The following UBE2D3 variants were observed in gnomAD, a reference collection of about 807,000 sequenced individuals.
The protein encoded by UBE2D3 is ubiquitin-conjugating enzyme E2 D3.
Under a neutral mutation model 22.8 loss-of-function variants are expected in UBE2D3, and 2 were observed. The ratio of observed to expected loss-of-function variants is 0.09; its 90% CI spans 0.04 to 0.28. The LOEUF is 0.28. Ranked by LOEUF, UBE2D3 falls within the 10% of genes least tolerant of loss-of-function variation. UBE2D3 has a pLI of 1.00. For synonymous variants in UBE2D3, 56 were observed against 60.4 expected (o/e 0.93, Z 0.34); for missense variants, 27 against 182.5 (o/e 0.15, Z 4.91).
chr4:102,863,389 C>A (rs1320708580), intron 1 of UBE2D3, among the ~76,000 whole-genome samples: 1 of 152,018 alleles, frequency 6.6e-6, no homozygotes, highest in South Asian at 2.1e-4. Flanking sequence ...CAGGAGCGAA[C>A]AGAGTAAGAA....
At chr4:102,848,921 CTGTGTGTGTGTG>C (rs147050383) in intron 1 of UBE2D3, among the ~76,000 whole-genome samples, 16,536 of 142,758 alleles carry the variant, frequency 0.12, 947 homozygotes, top group East Asian at 0.13. Context: ...TTATGTGTGC[CTGTGTGTGTGTG>C]TGTGTGTGTG....
intron 2 of UBE2D3, chr4:102,812,367 G>C (rs1221742693): frequency 6.6e-6 from 1 of 152,156 alleles, no homozygotes; most frequent in Non-Finnish European, 1.5e-5. Flanking sequence ...ATTTATGTAA[G>C]GGTCCCACTA....
upstream of UBE2D3, chr4:102,827,786 G>GGATCATGAGCTGGGGGGAGGGT (rs1730825626): frequency 1.0e-6 from 1 of 985,800 alleles, no homozygotes; most frequent in Non-Finnish European, 1.2e-6. Flanking sequence ...GGAGGGAGGA[G>GGATCATGAGCTGGGGGGAGGGT]GATCATGAGC....
rs1560833459 is a variant in UBE2D3 at position 102,794,662 on chromosome 4, A to ACAAG, written c.*2752_*2753insCTTG. The ACAAG allele has an allele frequency of 6.7e-6, 1 of 149,592 alleles. No individual in the cohort carries two copies. The highest frequency in any genetic ancestry group is 2.5e-5 in the African/African-American group (1 of 40,094). 9.3% of individuals were successfully genotyped at this position (149,592 alleles called of 1,614,324 possible). On this transcript the variant is annotated 3_prime_UTR_variant, in exon 8 of 8. Transcript: ENST00000453744. ...TCAACTAAGCCATTTCAACAAACAA[A>ACAAG]AAAAAACAAACAAAAAAAAAAGTGA...
chr4:102,860,978 C>G (rs903990695), intron 1 of UBE2D3, among the ~76,000 whole-genome samples: 4 of 151,938 alleles, frequency 2.6e-5, no homozygotes, highest in African/African-American at 9.7e-5. Flanking sequence ...GTGTTGGTTG[C>G]TATAAGCCTC....
At chr4:102,840,082 C>T (rs929330117) in intron 1 of UBE2D3, among the ~76,000 whole-genome samples, 7 of 152,124 alleles carry the variant, frequency 4.6e-5, no homozygotes, top group African/African-American at 1.7e-4. Context: ...AAGGTATCAC[C>T]TATGACAGAG....
upstream of UBE2D3, among the ~76,000 whole-genome samples, chr4:102,829,955 T>G (rs538876052): frequency 2.4e-4 from 37 of 152,240 alleles, no homozygotes; most frequent in Non-Finnish European, 5.1e-4. Context: ...AACTAATATA[T>G]ATGGAGTTCT....
intron 4 of UBE2D3, among the ~76,000 whole-genome samples, chr4:102,806,500 C>T (rs980160600): frequency 6.6e-6 from 1 of 152,114 alleles, no homozygotes; most frequent in Middle Eastern, 3.4e-3. Context: ...TAATAATACA[C>T]TTGAAAAAAA....
rs1205996408 is a variant in UBE2D3, at chr4:102,826,479, G to A, written c.24+6C>T. The A allele has an allele frequency of 1.2e-6, 2 of 1,613,492 alleles. No homozygotes were observed. The highest frequency in any genetic ancestry group is 2.2e-5 in the East Asian group (1 of 44,864). On this transcript the variant is annotated splice_donor_region_variant and intron_variant, in intron 2 of 7. Coordinates refer to ENST00000453744, the MANE Select transcript of UBE2D3 (RefSeq NM_181891.3). ...ACCACCCCATGCCCTTGTCCCCGCG[G>A]GTTACCTTATTAATCCGTTTCAGCG...
At position 102,802,648 on chromosome 4, in the gene UBE2D3, G is replaced by T; in HGVS notation, c.121-10C>A. The T allele has an allele frequency of 6.3e-7, 1 of 1,579,004 alleles. No individual in the cohort carries two copies. Among genetic ancestry groups the T allele is most frequent in the Non-Finnish European group, 8.6e-7 (1 of 1,162,524 alleles). Reference sequence around the variant, plus strand: ...GATATGGGCTGTCATTCTGTAAAAAGAAAAGTATGCTTAACTCAAATTTAA... The same window carrying T: ...GATATGGGCTGTCATTCTGTAAAAATAAAAGTATGCTTAACTCAAATTTAA... On this transcript the variant is annotated splice_polypyrimidine_tract_variant and intron_variant, in intron 4 of 7. Transcript: ENST00000453744.
chr4:102,807,788 C>T (rs753149575), intron 4 of UBE2D3, among the ~76,000 whole-genome samples: 13 of 152,084 alleles, frequency 8.5e-5, no homozygotes, highest in Non-Finnish European at 1.5e-4. Context: ...AAATTACTAC[C>T]ATACACTCAT....
At position 102,836,141 on chromosome 4, in the gene UBE2D3, A is replaced by ATTTT. The variant is rs907557988; in HGVS notation, c.-128-9509_-128-9506dup. Among the ~76,000 whole-genome samples, 153 of 102,664 alleles carry ATTTT rather than the reference A, an allele frequency of 1.5e-3. 1 individual carries two copies. Among genetic ancestry groups the ATTTT allele is most frequent in the African/African-American group, 1.9e-3 (49 of 25,574 alleles). The allele number at this position is 102,664 out of a possible 152,430, so 67.4% of individuals were successfully genotyped here. On this transcript the variant is annotated intron_variant, in intron 1 of 7. Transcript: ENST00000338145. ...GTCAGTGGACATTTGGTTTGTTTCC[A>ATTTT]TTTTTTTTTTTTTTTTTTTTTTTGT...
chr4:102,845,313 T>G (rs1351337546), intron 1 of UBE2D3, among the ~76,000 whole-genome samples: 1 of 152,126 alleles, frequency 6.6e-6, no homozygotes, highest in African/African-American at 2.4e-5. Context: ...GGGCAATGAT[T>G]CCCCCAACAT....
intron 2 of UBE2D3, chr4:102,825,384 A>C: frequency 2.9e-6 from 3 of 1,028,582 alleles, no homozygotes; most frequent in Non-Finnish European, 3.5e-6. Flanking sequence ...ATACAGTTTA[A>C]GAGTTTGAAT....
intron 1 of UBE2D3, among the ~76,000 whole-genome samples, chr4:102,846,620 T>C (rs1732053168): frequency 6.6e-6 from 1 of 152,056 alleles, no homozygotes; most frequent in South Asian, 2.1e-4. Flanking sequence ...GAGGCACTAA[T>C]AGGTAGTAGG....
chr4:102,804,363 T>A (rs938633982), intron 4 of UBE2D3, among the ~76,000 whole-genome samples: 1 of 151,870 alleles, frequency 6.6e-6, no homozygotes, highest in African/African-American at 2.4e-5. Context: ...GGCTTCACCA[T>A]GTTGGCTGAA....
intron 1 of UBE2D3, among the ~76,000 whole-genome samples, chr4:102,848,371 A>G (rs576397058): frequency 6.6e-6 from 1 of 151,820 alleles, no homozygotes; most frequent in African/African-American, 2.4e-5. Flanking sequence ...TAGGCCGGGC[A>G]TGGTGGCTCA....
intron 1 of UBE2D3, among the ~76,000 whole-genome samples, chr4:102,845,979 T>A (rs1025553736): frequency 6.6e-6 from 1 of 152,100 alleles, no homozygotes; most frequent in Non-Finnish European, 1.5e-5. Context: ...TTACTAGAGA[T>A]GGGGTTTCAC....
intron 1 of UBE2D3, among the ~76,000 whole-genome samples, chr4:102,833,149 T>TA (rs1731206418): frequency 6.6e-6 from 1 of 151,890 alleles, no homozygotes; most frequent in South Asian, 2.1e-4. Context: ...TACATGTTTT[T>TA]TTTTTTTGCA....
Sources: gnomAD v4.1 joint callset for allele counts (sites outside exome capture counted in the v4.1 genomes callset) on GRCh38, gnomAD v4.1.1 for gene constraint, MANE v1.5 for transcripts, NCBI Gene and HGNC (gene_info 2026-07-23, HGNC 2026-07-21) for gene names.